The following ASF1B variants were observed in gnomAD, a reference collection of about 807,000 sequenced individuals.
ASF1B encodes anti-silencing function 1B histone chaperone.
A neutral mutation model predicts 16.6 loss-of-function variants in ASF1B; 10 were observed. The ratio of observed to expected loss-of-function variants is 0.60; its 90% confidence interval spans 0.37 to 1.02. The LOEUF is 1.02. Among genes scored for constraint, ASF1B ranks in the 50% least tolerant of loss-of-function variants. The pLI is 0.01. For synonymous variants in ASF1B, 101 were observed against 106.2 expected (o/e 0.95, Z 0.30); for missense variants, 240 against 266.0 (o/e 0.90, Z 0.68).
chr19:14,130,917 G>A (rs920331501), intron 1 of ASF1B, among the ~76,000 whole-genome samples: 7 of 151,662 alleles, frequency 4.6e-5, no homozygotes, highest in South Asian at 2.1e-4. Flanking sequence ...TTGCTCTGTC[G>A]CCCAGGCTGG....
In ASF1B at chr19:14,120,375, A is replaced by G. The variant is rs1599355467; in HGVS notation, c.*84T>C. The G allele has an allele frequency of 7.2e-7, 1 of 1,398,598 alleles. No individual in the cohort carries two copies. The highest frequency in any genetic ancestry group is 2.2e-5 in the Admixed American group (1 of 44,534). 86.6% of individuals were successfully genotyped at this position (1,398,598 alleles called of 1,614,324 possible). ...CCTGGATTGCAGCTGATGGCCCCCA[A>G]AGTCCTCTAGATGGGCCCTGCAGGA... is the stretch of plus-strand genomic sequence containing the variant. On this transcript the variant is annotated 3_prime_UTR_variant, in exon 4 of 4. Coordinates refer to ENST00000263382, the MANE Select transcript of ASF1B (RefSeq NM_018154.3).
rs543410399 is a variant in ASF1B at position 14,127,231 on chromosome 19, G to A, written c.110-994C>T. 5.9e-5 allele frequency among the ~76,000 whole-genome samples: 9 copies of A among 152,368 alleles called. 2 individuals carry two copies. Among genetic ancestry groups the A allele is most frequent in the African/African-American group, 2.2e-4 (9 of 41,574 alleles). Reference sequence around the variant, plus strand: ...TAGGGAATTCTGTCTTGTAAGCCTAGCTATGACAGGTGACCTTGACTATAC... The same window carrying A: ...TAGGGAATTCTGTCTTGTAAGCCTAACTATGACAGGTGACCTTGACTATAC... On this transcript the variant is annotated intron_variant, in intron 1 of 3. Transcript: ENST00000263382.
chr19:14,121,463 G>C, intron 3 of ASF1B, 69 bp downstream of exon 3: 8 of 1,518,556 alleles, frequency 5.3e-6, no homozygotes, highest in Non-Finnish European at 7.2e-6. Flanking sequence ...CTCTCAATTT[G>C]AATGGCTGAA....
chr19:14,131,428 G>A (rs1179171654), intron 1 of ASF1B, among the ~76,000 whole-genome samples: 8 of 151,064 alleles, frequency 5.3e-5, no homozygotes, highest in South Asian at 2.1e-4. Flanking sequence ...TGATCCATCC[G>A]CCTCGGCCTC....
chr19:14,130,505 T>TA (rs201790325), intron 1 of ASF1B, among the ~76,000 whole-genome samples: 3,417 of 137,966 alleles, frequency 0.025, 62 homozygotes, highest in Middle Eastern at 0.16. Context: ...CCTATCTCTT[T>TA]AAAAAAAAAA....
chr19:14,121,496 G>A, intron 3 of ASF1B, 36 bp downstream of exon 3: 1 of 1,601,680 alleles, frequency 6.2e-7, no homozygotes, highest in South Asian at 1.1e-5. Flanking sequence ...ATAAAGAACG[G>A]CCTTGTGGGA....
At chr19:14,126,057 AT>A in intron 2 of ASF1B, 64 bp downstream of exon 2, 1 of 1,305,772 alleles carries the variant, frequency 7.7e-7, no homozygotes, top group South Asian at 1.4e-5. Context: ...ACTCTGTGGG[AT>A]TTCAGGTAAA....
chr19:14,133,755 G>A (rs772434104), intron 1 of ASF1B, among the ~76,000 whole-genome samples: 6 of 151,408 alleles, frequency 4.0e-5, no homozygotes, highest in Admixed American at 4.0e-4. Flanking sequence ...ACAGGGCAGG[G>A]GCTTCCTAGG....
At position 14,120,509 on chromosome 19, in the gene ASF1B, GGAGC is replaced by G. The variant is rs1967217554; in HGVS notation, c.555_558del (p.Pro187AlafsTer59). The G allele has an allele frequency of 3.1e-6, 5 of 1,612,964 alleles. No individual in the cohort carries two copies. Among genetic ancestry groups the G allele is most frequent in the Non-Finnish European group, 4.2e-6 (5 of 1,179,468 alleles). ...GGGAGGAGGCCAGGGATGCAGCCAG[GGAGC>G]CCCAAGCCCTTGATAGGAGTGCAGT... On this transcript the variant is annotated frameshift_variant, in exon 4 of 4. Coordinates refer to ENST00000263382, the MANE Select transcript of ASF1B (RefSeq NM_018154.3). LOFTEE classifies it high-confidence loss of function.
intron 1 of ASF1B, among the ~76,000 whole-genome samples, chr19:14,127,884 C>T (rs1053861058): frequency 3.9e-5 from 6 of 152,132 alleles, no homozygotes; most frequent in South Asian, 2.1e-4. Context: ...GTCATCCATC[C>T]GCCTCCGCCT....
intron 2 of ASF1B, among the ~76,000 whole-genome samples, chr19:14,124,880 C>G (rs532163781): frequency 6.6e-6 from 1 of 152,138 alleles, no homozygotes; most frequent in Non-Finnish European, 1.5e-5. Context: ...GGAAAATATG[C>G]GTATTAGAGA....
chr19:14,127,658 GAC>G (rs1599358422), intron 1 of ASF1B, among the ~76,000 whole-genome samples: 1 of 145,204 alleles, frequency 6.9e-6, no homozygotes, highest in South Asian at 2.2e-4. Context: ...TTTTTTTTTT[GAC>G]AGTTTCACTC....
chr19:14,133,712 C>A (rs1402225017), intron 1 of ASF1B, among the ~76,000 whole-genome samples: 2 of 151,804 alleles, frequency 1.3e-5, no homozygotes, highest in African/African-American at 2.4e-5. Context: ...TTAGCCCTTC[C>A]GGCTCTAATT....
Position 14,121,649 on chromosome 19 carries a change from G to A in ASF1B, c.285C>T (p.Val95=), listed in dbSNP as rs780847818. ...PETDAVGVTV[V]LITCTYHGQE... Reference sequence around the variant, plus strand: ...GTCCATGGTAGGTGCAGGTGATGAGGACCACAGTCACACCCACGGCATCAG... The same window carrying A: ...GTCCATGGTAGGTGCAGGTGATGAGAACCACAGTCACACCCACGGCATCAG... Residue 95 remains valine (V), a synonymous_variant, in exon 3 of 4, where the codon GTC becomes GTT. Coordinates refer to ENST00000263382, the MANE Select transcript of ASF1B (RefSeq NM_018154.3). 1.2e-6 allele frequency: 2 copies of A among 1,613,924 alleles called. No homozygotes were observed. The highest frequency in any genetic ancestry group is 1.7e-5 in the Admixed American group (1 of 59,994).
intron 1 of ASF1B, among the ~76,000 whole-genome samples, chr19:14,129,195 A>G (rs182636265): frequency 6.6e-6 from 1 of 152,302 alleles, no homozygotes; most frequent in Non-Finnish European, 1.5e-5. Flanking sequence ...TCAGGGCTGC[A>G]GTGAGCCATG....
Position 14,136,460 on chromosome 19 carries a change from C to T in ASF1B, c.-4G>A. ...TCAGCACCGACACCTTGGCCATCGC[C>T]TCGCCTCGCCGCGCCGCAGCAGGGG... On this transcript the variant is annotated 5_prime_UTR_variant, in exon 1 of 4. Transcript: ENST00000263382. 6.2e-7 allele frequency: 1 copy of T among 1,611,550 alleles called. No individual in the cohort carries two copies. The highest frequency in any genetic ancestry group is 8.5e-7 in the Non-Finnish European group (1 of 1,178,404).
rs1398960998 is a variant in ASF1B, at chr19:14,121,524, G to A, written c.402+8C>T. On this transcript the variant is annotated splice_region_variant and intron_variant, in intron 3 of 3. Transcript: ENST00000263382. ...TTGTGGGAAGCAGGAAGTGGAAACA[G>A]GCCCCACCTGGGAGAAATCTGGCTT... is the stretch of plus-strand genomic sequence containing the variant. 1 of 1,611,816 alleles carries A rather than the reference G, an allele frequency of 6.2e-7. No homozygotes were observed. The highest frequency in any genetic ancestry group is 2.2e-5 in the East Asian group (1 of 44,846).
At chr19:14,124,785 G>T (rs1323015868) in intron 2 of ASF1B, among the ~76,000 whole-genome samples, 2 of 152,108 alleles carry the variant, frequency 1.3e-5, no homozygotes, top group African/African-American at 4.8e-5. Context: ...TCCATGTTTT[G>T]TGCTTTTTGT....
intron 1 of ASF1B, among the ~76,000 whole-genome samples, chr19:14,130,810 T>TATATATATAA (rs74181858): frequency 4.7e-5 from 7 of 150,318 alleles, no homozygotes; most frequent in African/African-American, 1.7e-4. Flanking sequence ...TATATATATA[T>TATATATATAA]AAATGATAAG....
Sources: gnomAD v4.1 joint callset for allele counts (sites outside exome capture counted in the v4.1 genomes callset) on GRCh38, gnomAD v4.1.1 for gene constraint, MANE v1.5 for transcripts, NCBI Gene and HGNC (gene_info 2026-07-23, HGNC 2026-07-21) for gene names.